The following CLEC12A variants were observed in gnomAD, a reference collection of about 807,000 sequenced individuals.
CLEC12A encodes the protein C-type lectin protein CLL-1.
Under a neutral mutation model 26.5 loss-of-function variants are expected in CLEC12A, and 22 were observed. The ratio of observed to expected loss-of-function variants is 0.83; its 90% CI spans 0.59 to 1.19. CLEC12A has a LOEUF of 1.19. Ranked by LOEUF, CLEC12A falls within the 50% of genes most tolerant of loss-of-function variation. CLEC12A has a pLI of 0.00. For missense variants in CLEC12A, 353 were observed against 315.6 expected (o/e 1.12, Z -0.90); for synonymous variants, 119 against 101.9 (o/e 1.17, Z -1.01).
intron 1 of CLEC12A, among the ~76,000 whole-genome samples, chr12:9,952,361 G>C (rs1381676645): frequency 4.0e-5 from 6 of 150,942 alleles, no homozygotes; most frequent in Admixed American, 1.3e-4. Flanking sequence ...GGTTTTGGTG[G>C]AGACGGGGTT....
chr12:9,952,081 T>C (rs975710351), intron 1 of CLEC12A: 7 of 139,396 alleles, frequency 5.0e-5, no homozygotes, highest in African/African-American at 1.8e-4. Context: ...TGTCAGACCC[T>C]GTCTCAAGGA....
chr12:9,984,808 T>C, intron 5 of CLEC12A, 62 bp from the exon 6 acceptor site: 1 of 1,354,518 alleles, frequency 7.4e-7, no homozygotes, highest in South Asian at 2.1e-5. Context: ...GTAATTTTTT[T>C]TTCTGTGAAT....
chr12:9,986,155 T>G, downstream of CLEC12A: 1 of 454,994 alleles, frequency 2.2e-6, no homozygotes, highest in Non-Finnish European at 4.4e-6. Flanking sequence ...TGATTTGGGT[T>G]TTCCTGGAAG....
chr12:9,989,905 G>A (rs1250340748), downstream of CLEC12A, among the ~76,000 whole-genome samples: 3 of 152,056 alleles, frequency 2.0e-5, no homozygotes, highest in Admixed American at 6.6e-5. Context: ...ACGTCCTAGG[G>A]ACCTTAATAA....
intron 5 of CLEC12A, chr12:9,984,071 C>A: frequency 6.6e-6 from 2 of 304,346 alleles, no homozygotes; most frequent in Non-Finnish European, 1.3e-5. Flanking sequence ...AAAAAGAAAA[C>A]TGAAAAAGTA....
chr12:9,971,688 G>T lies in CLEC12A; in HGVS notation c.91+1G>T, dbSNP rs148336258. 3.7e-6 allele frequency: 6 copies of T among 1,608,448 alleles called. No homozygotes were observed. The highest frequency in any genetic ancestry group is 5.1e-6 in the Non-Finnish European group (6 of 1,177,328). ...GAAATTGGCAAATTTGGGGAAAAAG[G>T]TAAGATTTTGAGTTATGGATGTGTT... On this transcript the variant is annotated splice_donor_variant, in intron 1 of 5. Transcript: ENST00000304361. LOFTEE classifies it high-confidence loss of function.
At chr12:9,975,790 C>T (rs1864311154) in intron 1 of CLEC12A, among the ~76,000 whole-genome samples, 2 of 152,146 alleles carry the variant, frequency 1.3e-5, no homozygotes, top group South Asian at 4.1e-4. Flanking sequence ...CATCACATGC[C>T]CAGAGGCCTA....
chr12:9,986,614 C>A, downstream of CLEC12A, among the ~76,000 whole-genome samples: 1 of 152,152 alleles, frequency 6.6e-6, no homozygotes. Flanking sequence ...AGTTCAAGAC[C>A]AGACTGGCTA....
chr12:9,963,138 A>T (rs1863867792), intron 1 of CLEC12A, among the ~76,000 whole-genome samples: 1 of 152,096 alleles, frequency 6.6e-6, no homozygotes, highest in Non-Finnish European at 1.5e-5. Flanking sequence ...AGAATAAGAG[A>T]AGGAGAAAAA....
intron 1 of CLEC12A, among the ~76,000 whole-genome samples, chr12:9,977,744 C>A (rs1864395101): frequency 6.6e-6 from 1 of 152,076 alleles, no homozygotes; most frequent in African/African-American, 2.4e-5. Flanking sequence ...CTATTTCCTC[C>A]TACAATTAAA....
chr12:9,996,447 G>T (rs184179933), downstream of CLEC12A, among the ~76,000 whole-genome samples: 27 of 152,124 alleles, frequency 1.8e-4, no homozygotes, highest in Non-Finnish European at 2.8e-4. Flanking sequence ...ATCTTATTTT[G>T]CTGGAGTGGA....
rs75072195 is a variant in CLEC12A at position 9,960,156 on chromosome 12, A to T, written c.10+8800A>T. Among the ~76,000 whole-genome samples, 1,289 of 152,294 alleles carry T rather than the reference A, an allele frequency of 8.5e-3. 29 individuals are homozygous for T. Among genetic ancestry groups the T allele is most frequent in the African/African-American group, 0.028 (1,163 of 41,558 alleles). ...AAACCATGAATTCAACATACTCAGT[A>T]AAACTAGTCACTGTGGGATCCCTCC... On this transcript the variant is annotated intron_variant, in intron 1 of 6. Coordinates refer to the CLEC12A transcript ENST00000355690.
intron 1 of CLEC12A, among the ~76,000 whole-genome samples, chr12:9,954,525 G>T (rs954045194): frequency 3.3e-5 from 5 of 151,994 alleles, no homozygotes; most frequent in Non-Finnish European, 7.4e-5. Context: ...CATGGAAACT[G>T]CTTTATTCAA....
downstream of CLEC12A, among the ~76,000 whole-genome samples, chr12:9,998,721 A>T (rs568838121): frequency 2.0e-5 from 3 of 152,304 alleles, no homozygotes; most frequent in Non-Finnish European, 4.4e-5. Context: ...TAAACAGCAA[A>T]TGAAGAATCA....
chr12:9,993,126 C>T, intron 4 of CLEC12A: 1 of 1,602,526 alleles, frequency 6.2e-7, no homozygotes. Context: ...CTGTGTTATC[C>T]TGTCCACCTC....
the CLEC12A span, among the ~76,000 whole-genome samples, chr12:10,003,460 T>C: frequency 1.3e-5 from 2 of 152,314 alleles, no homozygotes; most frequent in South Asian, 2.1e-4. Flanking sequence ...AAGTAAAATG[T>C]TAAACAATAA....
At chr12:9,996,768 A>T, downstream of CLEC12A, 3 of 1,511,572 alleles carry the variant, frequency 2.0e-6, no homozygotes, top group Non-Finnish European at 2.7e-6. Context: ...AAAATGTAAA[A>T]AACAAAAAAA....
intron 5 of CLEC12A, among the ~76,000 whole-genome samples, chr12:9,982,608 A>G (rs1849286666): frequency 6.6e-6 from 1 of 152,156 alleles, no homozygotes; most frequent in African/African-American, 2.4e-5. Flanking sequence ...TTGCAATGAT[A>G]CTTTTGTTAT....
At chr12:9,976,838 C>A (rs73255619) in intron 1 of CLEC12A, among the ~76,000 whole-genome samples, 1 of 152,018 alleles carries the variant, frequency 6.6e-6, no homozygotes, top group Admixed American at 6.6e-5. Context: ...GGGTGTTTCT[C>A]GTGCTGTTCC....
Sources: allele counts gnomAD v4.1 joint callset (sites outside exome capture counted in the v4.1 genomes callset), GRCh38; gene constraint gnomAD v4.1.1; transcripts MANE v1.5; gene names NCBI Gene and HGNC (gene_info 2026-07-23, HGNC 2026-07-21).